MBD5: variants seen among roughly 807,000 people sequenced by gnomAD.
The protein encoded by MBD5 is methyl-CpG-binding domain protein 5.
Under a neutral mutation model 117.3 loss-of-function variants are expected in MBD5, and 13 were observed. The observed-to-expected ratio is 0.11, with a 90% CI of 0.07 to 0.18. MBD5 has a LOEUF of 0.18. Ranked by LOEUF, MBD5 falls within the 10% of genes least tolerant of loss-of-function variation. MBD5 has a pLI of 1.00. For missense variants in MBD5, 1,879 were observed against 2,093.8 expected, an observed-to-expected ratio of 0.90 and a Z score of 2.00; for synonymous variants, 727 against 766.4, an observed-to-expected ratio of 0.95 and a Z score of 0.85.
chr2:148,123,627 G>C (rs941846556), intron 1 of MBD5, among the ~76,000 whole-genome samples: 4 of 152,192 alleles, frequency 2.6e-5, no homozygotes, highest in Non-Finnish European at 5.9e-5. Context: ...GCCTAGAAAT[G>C]TTCACCAGAC....
chr2:148,450,609 G>A (rs1308946915), intron 4 of MBD5, among the ~76,000 whole-genome samples: 1 of 152,150 alleles, frequency 6.6e-6, no homozygotes, highest in Non-Finnish European at 1.5e-5. Flanking sequence ...TTGTTCACAT[G>A]ATGATGGCAT....
At chr2:148,228,013 G>A (rs1699879196) in intron 2 of MBD5, among the ~76,000 whole-genome samples, 1 of 152,220 alleles carries the variant, frequency 6.6e-6, no homozygotes, top group Admixed American at 6.5e-5. Flanking sequence ...ATTTTGGGCT[G>A]AGACAATGTG....
intron 2 of MBD5, among the ~76,000 whole-genome samples, chr2:148,211,396 A>G (rs1699418552): frequency 1.3e-5 from 2 of 152,222 alleles, no homozygotes; most frequent in Admixed American, 1.3e-4. Context: ...AAAAGAATGT[A>G]AACTTTGGAC....
At chr2:148,392,428 C>T (rs1704593999) in intron 4 of MBD5, among the ~76,000 whole-genome samples, 1 of 152,166 alleles carries the variant, frequency 6.6e-6, no homozygotes, top group Non-Finnish European at 1.5e-5. Context: ...AAATGCTACC[C>T]TAGTCTTCTC....
intron 4 of MBD5, among the ~76,000 whole-genome samples, chr2:148,380,898 C>T (rs922963000): frequency 6.6e-5 from 10 of 152,178 alleles, no homozygotes; most frequent in African/African-American, 2.4e-4. Context: ...AACAGACCTG[C>T]AGCTGAGGGT....
At chr2:148,159,986 T>C (rs1202138625) in intron 1 of MBD5, among the ~76,000 whole-genome samples, 2 of 152,158 alleles carry the variant, frequency 1.3e-5, no homozygotes, top group Admixed American at 6.5e-5. Context: ...CTATGTGCTA[T>C]GTAAAATTTG....
chr2:148,042,863 G>T (rs1162139136), intron 1 of MBD5, among the ~76,000 whole-genome samples: 1 of 152,162 alleles, frequency 6.6e-6, no homozygotes, highest in Admixed American at 6.5e-5. Flanking sequence ...AGCTAGTCAG[G>T]TTTATTTTTA....
intron 4 of MBD5, among the ~76,000 whole-genome samples, chr2:148,392,791 G>T (rs1704604195): frequency 6.6e-6 from 1 of 152,018 alleles, no homozygotes; most frequent in South Asian, 2.1e-4. Flanking sequence ...ATCAGGCCTG[G>T]GGTATAGAGA....
At chr2:148,416,427 A>G (rs1705420038) in intron 4 of MBD5, among the ~76,000 whole-genome samples, 1 of 152,116 alleles carries the variant, frequency 6.6e-6, no homozygotes, top group South Asian at 2.1e-4. Context: ...TGCAGAATCC[A>G]TGCTCACTCA....
At chr2:148,451,731 T>C (rs575344386) in intron 4 of MBD5, among the ~76,000 whole-genome samples, 1 of 152,184 alleles carries the variant, frequency 6.6e-6, no homozygotes, top group East Asian at 1.9e-4. Flanking sequence ...TAAAGGCGGG[T>C]TTTATGTAGG....
chr2:148,030,607 TC>T (rs1694012451), intron 1 of MBD5, among the ~76,000 whole-genome samples: 1 of 152,176 alleles, frequency 6.6e-6, no homozygotes, highest in Non-Finnish European at 1.5e-5. Flanking sequence ...GGTATCAAAT[TC>T]CATGCTTTGT....
At chr2:148,129,022 A>C (rs1250037256) in intron 1 of MBD5, among the ~76,000 whole-genome samples, 2 of 152,208 alleles carry the variant, frequency 1.3e-5, no homozygotes, top group African/African-American at 4.8e-5. Context: ...ATTTTAGGCT[A>C]GCGATTTCAA....
At chr2:148,452,555 T>C (rs1314195659) in intron 4 of MBD5, among the ~76,000 whole-genome samples, 3 of 150,802 alleles carry the variant, frequency 2.0e-5, no homozygotes, top group African/African-American at 4.9e-5. Context: ...GTAGTGAGTT[T>C]ATTATTAGGT....
At chr2:148,195,494 C>T (rs557893301) in intron 2 of MBD5, among the ~76,000 whole-genome samples, 2 of 152,176 alleles carry the variant, frequency 1.3e-5, no homozygotes, top group African/African-American at 4.8e-5. Flanking sequence ...ATGGTTATAA[C>T]AAGTAAACAG....
intron 2 of MBD5, among the ~76,000 whole-genome samples, chr2:148,228,730 A>G (rs527720012): frequency 2.0e-5 from 3 of 152,174 alleles, no homozygotes; most frequent in South Asian, 4.2e-4. Flanking sequence ...CTGTGAATCC[A>G]TCTGGTCCTG....
intron 1 of MBD5, among the ~76,000 whole-genome samples, chr2:148,146,168 G>T (rs1697457663): frequency 6.6e-6 from 1 of 152,142 alleles, no homozygotes; most frequent in South Asian, 2.1e-4. Flanking sequence ...ACCTACAGTT[G>T]TTTATAGTGA....
At chr2:148,214,338 A>T (rs1311018754) in intron 2 of MBD5, among the ~76,000 whole-genome samples, 2 of 152,150 alleles carry the variant, frequency 1.3e-5, no homozygotes, top group Non-Finnish European at 2.9e-5. Context: ...CTGAAATTTG[A>T]ATTTTATGTA....
At position 148,417,573 on chromosome 2, in the gene MBD5, T is replaced by C. The variant is rs557767107; in HGVS notation, c.-556-40630T>C. Among the ~76,000 whole-genome samples the C allele has an allele frequency of 4.2e-3, 640 of 152,286 alleles. 8 individuals carry two copies. Among genetic ancestry groups the C allele is most frequent in the African/African-American group, 0.015 (617 of 41,574 alleles). ...AGTTTGTACTAATTTGCATTCCCAC[T>C]ATCAGTGTGTAAGCATTCCCTTTTC... is the stretch of plus-strand genomic sequence containing the variant. On this transcript the variant is annotated intron_variant, in intron 4 of 13. Coordinates refer to ENST00000642680, the MANE Select transcript of MBD5 (RefSeq NM_001378120.1).
chr2:148,050,002 A>G (rs1694649448), intron 1 of MBD5, among the ~76,000 whole-genome samples: 1 of 152,160 alleles, frequency 6.6e-6, no homozygotes, highest in African/African-American at 2.4e-5. Flanking sequence ...TTGGTTATGG[A>G]TAATGCTGCT....
Sources: allele counts gnomAD v4.1 joint callset (sites outside exome capture counted in the v4.1 genomes callset), GRCh38; gene constraint gnomAD v4.1.1; transcripts MANE v1.5; gene names NCBI Gene and HGNC (gene_info 2026-07-23, HGNC 2026-07-21).